The following FAM135B variants were observed in gnomAD, a reference collection of about 807,000 sequenced individuals.
FAM135B encodes the protein family with sequence similarity 135 member B.
A neutral mutation model predicts 127.7 loss-of-function variants in FAM135B; 43 were observed. The observed-to-expected ratio is 0.34, with a 90% confidence interval of 0.26 to 0.43. The LOEUF is 0.43. FAM135B is among the 20% of genes least tolerant of loss of function. The pLI is 1.00. For synonymous variants in FAM135B, 670 were observed against 665.1 expected (o/e 1.01, Z -0.11); for missense variants, 1,558 against 1,725.6 (o/e 0.90, Z 1.72).
chr8:138,219,004 T>C (rs1160804601), intron 7 of FAM135B, among the ~76,000 whole-genome samples: 1 of 152,228 alleles, frequency 6.6e-6, no homozygotes, highest in Non-Finnish European at 1.5e-5. Flanking sequence ...TTGCAGGTGA[T>C]GATAAATATC....
At chr8:138,407,219 C>A (rs2131387910) in intron 1 of FAM135B, among the ~76,000 whole-genome samples, 1 of 149,650 alleles carries the variant, frequency 6.7e-6, no homozygotes, top group South Asian at 2.1e-4. Context: ...AGGACCTCTT[C>A]AAGGAGAACT....
intron 1 of FAM135B, among the ~76,000 whole-genome samples, chr8:138,379,258 C>A (rs1831682709): frequency 6.6e-6 from 1 of 152,132 alleles, no homozygotes; most frequent in East Asian, 1.9e-4. Flanking sequence ...ACATTCTGAC[C>A]ATTTTACGGG....
rs75252478 is a variant in FAM135B, at chr8:138,275,736, G to A, written c.158-9894C>T. ...TAAAATGAATAAATATAAACCAGAC[G>A]CCATTATCCCCTCCTGGCGCTTAGA... On this transcript the variant is annotated intron_variant, in intron 3 of 19. Coordinates refer to ENST00000395297, the MANE Select transcript of FAM135B (RefSeq NM_015912.4). Among the ~76,000 whole-genome samples the A allele has an allele frequency of 2.5e-3, 387 of 152,064 alleles. 1 individual carries two copies. The highest frequency in any genetic ancestry group is 9.0e-3 in the African/African-American group (375 of 41,486).
chr8:138,189,250 G>C (rs1026563638), intron 9 of FAM135B, among the ~76,000 whole-genome samples: 5 of 152,140 alleles, frequency 3.3e-5, no homozygotes, highest in Admixed American at 1.3e-4. Flanking sequence ...AACCCTGAGG[G>C]AAGATTATCT....
intron 7 of FAM135B, among the ~76,000 whole-genome samples, chr8:138,215,753 G>C (rs1818493833): frequency 6.6e-6 from 1 of 152,166 alleles, no homozygotes; most frequent in African/African-American, 2.4e-5. Flanking sequence ...CTTTGGGAAG[G>C]TTGCATGGGC....
intron 2 of FAM135B, among the ~76,000 whole-genome samples, chr8:138,315,497 C>T (rs1313637051): frequency 6.6e-6 from 1 of 152,090 alleles, no homozygotes; most frequent in Non-Finnish European, 1.5e-5. Context: ...TCAAAGTCAG[C>T]ACCTCATGGA....
intron 1 of FAM135B, among the ~76,000 whole-genome samples, chr8:138,382,453 TG>T (rs1019368194): frequency 6.6e-6 from 1 of 151,898 alleles, no homozygotes; most frequent in African/African-American, 2.4e-5. Flanking sequence ...CACAGGGATA[TG>T]GGGGGTTTGG....
intron 7 of FAM135B, among the ~76,000 whole-genome samples, chr8:138,238,474 A>T (rs1820474717): frequency 6.6e-6 from 1 of 152,130 alleles, no homozygotes; most frequent in African/African-American, 2.4e-5. Flanking sequence ...TAGATGTCAA[A>T]GGTGCTGTAG....
chr8:138,478,550 C>A (rs1232835632), intron 1 of FAM135B, among the ~76,000 whole-genome samples: 8 of 152,158 alleles, frequency 5.3e-5, no homozygotes, highest in African/African-American at 1.9e-4. Flanking sequence ...CTTGAAACCA[C>A]AGAGAGCAGT....
chr8:138,280,025 G>C (rs1824141081), intron 3 of FAM135B, among the ~76,000 whole-genome samples: 1 of 152,178 alleles, frequency 6.6e-6, no homozygotes, highest in African/African-American at 2.4e-5. Context: ...AAGTCATGTA[G>C]TTTTATAAAC....
intron 2 of FAM135B, among the ~76,000 whole-genome samples, chr8:138,361,437 A>G (rs1317942303): frequency 2.0e-5 from 3 of 152,164 alleles, no homozygotes; most frequent in Non-Finnish European, 4.4e-5. Flanking sequence ...ATAAGCTACA[A>G]TTTTTCTCCC....
chr8:138,412,323 G>A (rs972684618), intron 1 of FAM135B, among the ~76,000 whole-genome samples: 1 of 152,204 alleles, frequency 6.6e-6, no homozygotes, highest in Non-Finnish European at 1.5e-5. Flanking sequence ...CAGAGACTCA[G>A]GCAGATAATC....
At chr8:138,273,053 T>C (rs2130689571) in intron 3 of FAM135B, among the ~76,000 whole-genome samples, 1 of 152,270 alleles carries the variant, frequency 6.6e-6, no homozygotes. Context: ...ATGTAACATA[T>C]AATAGGGGCT....
intron 12 of FAM135B, among the ~76,000 whole-genome samples, chr8:138,164,573 T>C (rs899138847): frequency 1.3e-5 from 2 of 152,208 alleles, no homozygotes; most frequent in African/African-American, 4.8e-5. Context: ...CTGAGATAAA[T>C]GCATATCTGA....
chr8:138,132,756 A>G lies in FAM135B; in HGVS notation c.4058T>C (p.Leu1353Pro). ...AEMINNLLGP[L>P]VEAKDCTLIR... The stretch of plus-strand genomic sequence containing the variant: ...TAAAGTGCAGTCCTTGGCTTCAACC[A>G]GAGGGCCCAGGAGGTTGTTGATCAT... Residue 1353 changes from leucine to proline, a missense_variant, in exon 20 of 20, where the codon CTG becomes CCG. Coordinates refer to ENST00000395297, the MANE Select transcript of FAM135B (RefSeq NM_015912.4). This position sits in a 1 kb window ranked among gnomAD's most constrained non-coding sequence, Gnocchi z 4.5. 6.2e-7 allele frequency: 1 copy of G among 1,614,228 alleles called. No homozygotes were observed. The highest frequency in any genetic ancestry group is 8.5e-7 in the Non-Finnish European group (1 of 1,180,040).
At chr8:138,314,560 G>A (rs554769393) in intron 2 of FAM135B, among the ~76,000 whole-genome samples, 2 of 152,052 alleles carry the variant, frequency 1.3e-5, no homozygotes, top group South Asian at 2.1e-4. Flanking sequence ...GCAAAACAGA[G>A]TATCAATGCA....
intron 3 of FAM135B, among the ~76,000 whole-genome samples, chr8:138,302,678 G>A (rs1825974673): frequency 6.6e-6 from 1 of 152,148 alleles, no homozygotes; most frequent in Admixed American, 6.5e-5. Context: ...TGCCAAGGAG[G>A]CCCTCCTGAG....
At chr8:138,431,896 C>T (rs1426832960) in intron 1 of FAM135B, among the ~76,000 whole-genome samples, 1 of 152,176 alleles carries the variant, frequency 6.6e-6, no homozygotes, top group Admixed American at 6.5e-5. Flanking sequence ...AGAGGAAAGG[C>T]CACTCCTAAG....
chr8:138,382,659 T>C (rs1380027541), intron 1 of FAM135B, among the ~76,000 whole-genome samples: 2 of 152,204 alleles, frequency 1.3e-5, no homozygotes, highest in East Asian at 1.9e-4. Flanking sequence ...AAAGAATTTA[T>C]ACATAAAGTG....
Sources: gnomAD v4.1 joint callset for allele counts (sites outside exome capture counted in the v4.1 genomes callset) on GRCh38, gnomAD v4.1.1 for gene constraint, Gnocchi (gnomAD v3.1) non-coding constraint, MANE v1.5 for transcripts, NCBI Gene and HGNC (gene_info 2026-07-23, HGNC 2026-07-21) for gene names.